The following ATAD2 variants were observed in gnomAD, a reference collection of about 807,000 sequenced individuals.
ATAD2 encodes ATPase family AAA domain-containing protein 2.
A neutral mutation model predicts 168.9 loss-of-function variants in ATAD2; 62 were observed. The ratio of observed to expected loss-of-function variants is 0.37; its 90% CI spans 0.30 to 0.45. The LOEUF (loss-of-function observed/expected upper bound fraction) is 0.45, where lower values mean the gene tolerates loss of function less well. ATAD2 is among the 20% of genes least tolerant of loss of function. The probability of loss-of-function intolerance (pLI) is 1.00; values close to 1 mark genes in which losing one functional copy is unlikely to be tolerated. For missense variants in ATAD2, 1,419 were observed against 1,667.8 expected, an observed-to-expected ratio of 0.85 and a Z score of 2.60; for synonymous variants, 613 against 571.6, an observed-to-expected ratio of 1.07 and a Z score of -1.03.
intron 15 of ATAD2, 73 bp from the exon 16 acceptor site, chr8:123,347,479 C>T (rs1315292312): frequency 7.4e-7 from 1 of 1,356,900 alleles, no homozygotes; most frequent in Non-Finnish European, 9.9e-7. Context: ...ATTAGCATGA[C>T]CATGGTTAAA....
intron 24 of ATAD2, among the ~76,000 whole-genome samples, chr8:123,329,620 G>A (rs1210970414): frequency 2.6e-5 from 4 of 151,776 alleles, no homozygotes; most frequent in East Asian, 1.9e-4. Context: ...AAAATTTGCC[G>A]GGCATGGTGG....
At chr8:123,330,520 G>T (rs1827749597) in intron 24 of ATAD2, among the ~76,000 whole-genome samples, 1 of 151,994 alleles carries the variant, frequency 6.6e-6, no homozygotes, top group Non-Finnish European at 1.5e-5. Context: ...CCGCCACCGT[G>T]CCCGGCTAAT....
intron 24 of ATAD2, among the ~76,000 whole-genome samples, chr8:123,329,775 A>AAAAAAAAAAAAAAAATT: frequency 7.7e-6 from 1 of 129,538 alleles, no homozygotes; most frequent in Non-Finnish European, 1.6e-5. Flanking sequence ...AAAAAAAAAA[A>AAAAAAAAAAAAAAAATT]TTTTTCACTT....
intron 2 of ATAD2, among the ~76,000 whole-genome samples, chr8:123,380,208 C>T (rs1278672437): frequency 2.0e-5 from 3 of 152,074 alleles, no homozygotes; most frequent in East Asian, 3.9e-4. Flanking sequence ...CCCGCCACTA[C>T]ACCCGGCTAA....
intron 2 of ATAD2, among the ~76,000 whole-genome samples, chr8:123,380,183 C>A (rs895430398): frequency 3.7e-4 from 57 of 152,080 alleles, no homozygotes; most frequent in African/African-American, 1.3e-3. Flanking sequence ...TCCCGAGTAG[C>A]TGGGATTACA....
chr8:123,383,511 C>T (rs1298421097), intron 1 of ATAD2, among the ~76,000 whole-genome samples: 1 of 152,170 alleles, frequency 6.6e-6, no homozygotes, highest in Admixed American at 6.5e-5. Context: ...GTGGCTCATG[C>T]CTGTAATCCC....
At chr8:123,345,436 T>G (rs1586869054) in intron 18 of ATAD2, among the ~76,000 whole-genome samples, 3 of 145,156 alleles carry the variant, frequency 2.1e-5, no homozygotes, top group Admixed American at 7.1e-5. Flanking sequence ...CCAAGGCGGG[T>G]GGACTGCCTG....
Position 123,347,208 on chromosome 8 carries a change from T to C in ATAD2, c.2096A>G (p.Gln699Arg). 1 of 1,614,208 alleles carries C rather than the reference T, an allele frequency of 6.2e-7. No individual in the cohort carries two copies. Among genetic ancestry groups the C allele is most frequent in the Non-Finnish European group, 8.5e-7 (1 of 1,180,040 alleles). ...ASQRAVTSPG[Q>R]ALSTVVKPLL... ...TGGTTTCACAACGGTGGACAGTGCC[T>C]GCCCAGGTGATGTCACAGCTCTTTG... is the stretch of plus-strand genomic sequence containing the variant. The change falls in exon 16 of 28, where the codon CAG becomes CGG. Residue 699 changes from glutamine (Q) to arginine (R), a missense_variant. By Grantham distance (43) the Gln-to-Arg change is conservative. This residue lies in a region of ATAD2 where 545 missense variants were observed against 724.9 expected (regional missense o/e 0.75). Coordinates refer to ENST00000287394, the MANE Select transcript of ATAD2 (RefSeq NM_014109.4).
At position 123,402,980 on chromosome 8, in the gene ATAD2, G is replaced by A. The variant is rs114859983; in HGVS notation, c.-2281-1805C>T. On this transcript the variant is annotated intron_variant, in intron 1 of 28. Coordinates refer to the ATAD2 transcript ENST00000521903. This position sits in a 1 kb window ranked among gnomAD's most constrained non-coding sequence, Gnocchi z 4.8. ...TCTTATCCACAGAGTGATTTGTGTC[G>A]CGCTGTTCTGGAATGTGACGAGGAA... 4.0e-3 allele frequency among the ~76,000 whole-genome samples: 607 copies of A among 152,244 alleles called. 5 individuals carry two copies. Among genetic ancestry groups the A allele is most frequent in the African/African-American group, 0.014 (565 of 41,550 alleles).
chr8:123,407,905 GA>G (rs1813089533), intron 1 of ATAD2, among the ~76,000 whole-genome samples: 1 of 151,832 alleles, frequency 6.6e-6, no homozygotes, highest in African/African-American at 2.4e-5. Flanking sequence ...AATTGCTTCA[GA>G]AAGACTCAAG....
At chr8:123,415,916 G>A (rs539868868) in intron 1 of ATAD2, among the ~76,000 whole-genome samples, 2 of 152,226 alleles carry the variant, frequency 1.3e-5, no homozygotes, top group South Asian at 4.2e-4. Context: ...TAACAATATG[G>A]TGTCTTTTCT....
chr8:123,413,346 C>A (rs541294740), intron 1 of ATAD2, among the ~76,000 whole-genome samples: 7 of 151,736 alleles, frequency 4.6e-5, no homozygotes, highest in African/African-American at 1.7e-4. Flanking sequence ...TGAATAAAAT[C>A]TGTTTTCATC....
At chr8:123,384,636 T>A (rs1194593799) in intron 1 of ATAD2, among the ~76,000 whole-genome samples, 12 of 152,202 alleles carry the variant, frequency 7.9e-5, no homozygotes. Flanking sequence ...ATGCAAGGCA[T>A]TTTCAAGAGA....
intron 20 of ATAD2, 97 bp from the exon 21 acceptor site, chr8:123,337,918 T>C (rs1827962002): frequency 8.6e-7 from 1 of 1,165,650 alleles, no homozygotes; most frequent in Middle Eastern, 2.1e-4. Flanking sequence ...AGGGATTATC[T>C]TCCTCATATA....
At position 123,346,635 on chromosome 8, in the gene ATAD2, A is replaced by T; in HGVS notation, c.2328T>A (p.Asn776Lys). The change falls in exon 17 of 28, where the codon AAT (asparagine) becomes AAA (lysine). Residue 776 changes from asparagine to lysine, a missense_variant. Around this residue, in one of 5 missense-constraint regions of ATAD2, gnomAD observed 545 missense variants for 724.9 expected, o/e 0.75. Transcript: ENST00000287394. ...AAATATACCTATTCAAATGAAGAAA[A>T]TTAAAATTGTCTTTTGCCTTATGAG... ...KSSHKAKDNF[N>K]FLHLNRNACY... 1 of 1,564,252 alleles carries T rather than the reference A, an allele frequency of 6.4e-7. No individual in the cohort carries two copies. Among genetic ancestry groups the T allele is most frequent in the South Asian group, 1.2e-5 (1 of 81,482 alleles).
intron 1 of ATAD2, among the ~76,000 whole-genome samples, chr8:123,390,629 T>A (rs1387444072): frequency 6.6e-6 from 1 of 152,256 alleles, no homozygotes; most frequent in South Asian, 2.1e-4. Context: ...GAGTTTTGAG[T>A]ATCTTTCCAG....
chr8:123,360,953 A>T (rs1215700538), intron 9 of ATAD2, among the ~76,000 whole-genome samples: 1 of 151,296 alleles, frequency 6.6e-6, no homozygotes, highest in Non-Finnish European at 1.5e-5. Flanking sequence ...AAAAAAAAAA[A>T]TACATGAAAA....
chr8:123,365,861 G>C (rs1563852556), intron 8 of ATAD2, among the ~76,000 whole-genome samples: 1 of 152,078 alleles, frequency 6.6e-6, no homozygotes, highest in African/African-American at 2.4e-5. Flanking sequence ...ATTGGCTTAG[G>C]CAAGGGTTTC....
At chr8:123,329,746 CAAAAAAAAAAAAAAAAAAA>C (rs68104102) in intron 24 of ATAD2, among the ~76,000 whole-genome samples, 1 of 84,386 alleles carries the variant, frequency 1.2e-5, no homozygotes, top group Non-Finnish European at 2.1e-5. Context: ...AACTCCGTCT[CAAAAAAAAAAAAAAAAAAA>C]AAAAAAAAAA....
Sources: gnomAD v4.1 joint callset for allele counts (sites outside exome capture counted in the v4.1 genomes callset) on GRCh38, gnomAD v4.1.1 for gene constraint, gnomAD v4.1.1 regional missense constraint, Gnocchi (gnomAD v3.1) non-coding constraint, MANE v1.5 for transcripts, NCBI Gene and HGNC (gene_info 2026-07-23, HGNC 2026-07-21) for gene names.